Variants in NUDT13 observed in about 807,000 individuals in gnomAD.
The protein encoded by NUDT13 is NAD(P)H pyrophosphatase NUDT13, mitochondrial.
In NUDT13, 40 loss-of-function variants were observed where a neutral mutation model predicts 41.7. The observed-to-expected ratio is 0.96, with a 90% CI of 0.75 to 1.25. The LOEUF is 1.25. Among genes scored for constraint, NUDT13 ranks in the 50% most tolerant of loss-of-function variants. NUDT13 has a pLI of 0.00. For missense variants in NUDT13, 390 were observed against 416.1 expected, an observed-to-expected ratio of 0.94 and a Z score of 0.55; for synonymous variants, 145 against 155.5, an observed-to-expected ratio of 0.93 and a Z score of 0.50.
intron 3 of NUDT13, 38 bp from the exon 4 acceptor site, chr10:73,122,137 G>T: frequency 6.2e-7 from 1 of 1,600,556 alleles, no homozygotes; most frequent in Non-Finnish European, 8.5e-7. Context: ...AGAAACCCTT[G>T]TGTTTTGCTT....
At chr10:73,126,901 T>A in intron 8 of NUDT13, 74 bp downstream of exon 8, 1 of 1,284,422 alleles carries the variant, frequency 7.8e-7, no homozygotes, top group Non-Finnish European at 1.1e-6. Flanking sequence ...AAGTACTTAT[T>A]AAGCACTTGT....
intron 1 of NUDT13, among the ~76,000 whole-genome samples, chr10:73,113,852 T>C (rs1411946639): frequency 6.6e-6 from 1 of 152,208 alleles, no homozygotes; most frequent in Non-Finnish European, 1.5e-5. Flanking sequence ...TTAACTGTAA[T>C]GAATTCTTGA....
intron 2 of NUDT13, chr10:73,115,024 G>C (rs2133202897): frequency 6.6e-6 from 1 of 152,228 alleles, no homozygotes; most frequent in South Asian, 2.1e-4. Context: ...AGAGCCTCTG[G>C]ATAGCTGAAC....
chr10:73,122,177 T>C lies in NUDT13; in HGVS notation c.226T>C (p.Leu76=), dbSNP rs759300653. ...CCCTTCCCCTTTCTGTTTCTTAGAG[T>C]TGGAAAGGCTCCTGGGTAAATTTGG... is the stretch of plus-strand genomic sequence containing the variant. ...YLAPRHSLLE[L]ERLLGKFGQD... is the part of the protein sequence containing the mutation. The change falls in exon 4 of 9, where the codon TTG becomes CTG. Residue 76 remains leucine, a splice_region_variant and synonymous_variant. Transcript: ENST00000357321. 1.9e-6 allele frequency: 3 copies of C among 1,612,168 alleles called. No homozygotes were observed. Among genetic ancestry groups the C allele is most frequent in the Admixed American group, 1.7e-5 (1 of 59,414 alleles).
Position 73,131,104 on chromosome 10 carries a change from T to C in NUDT13, c.*201T>C. The stretch of plus-strand genomic sequence containing the variant: ...CAATGGGCAATCAAAAAAGCCAGTG[T>C]GAGAAGAAAACTGATGAGCTGTCAA... On this transcript the variant is annotated 3_prime_UTR_variant, in exon 9 of 9. Coordinates refer to ENST00000357321, the MANE Select transcript of NUDT13 (RefSeq NM_015901.6). The C allele has an allele frequency of 2.1e-6, 1 of 475,282 alleles. No individual in the cohort carries two copies. 29.4% of individuals were successfully genotyped at this position (475,282 alleles called of 1,614,324 possible). A position where few individuals can be genotyped will look rare whatever the true frequency, so the allele number is the denominator to read the frequency against.
intron 7 of NUDT13, among the ~76,000 whole-genome samples, chr10:73,126,423 T>G (rs186650902): frequency 1.5e-3 from 231 of 152,324 alleles, no homozygotes; most frequent in Admixed American, 3.3e-3. Context: ...AAGTGGAATT[T>G]TATGAAAGCT....
At chr10:73,112,353 C>CA (rs1055616888) in intron 1 of NUDT13, among the ~76,000 whole-genome samples, 56 of 146,736 alleles carry the variant, frequency 3.8e-4, no homozygotes, top group African/African-American at 1.1e-3. Context: ...AACTCCGTCT[C>CA]AAAAAAAAAT....
chr10:73,112,853 T>C (rs990203315), intron 1 of NUDT13, among the ~76,000 whole-genome samples: 5 of 151,900 alleles, frequency 3.3e-5, no homozygotes, highest in African/African-American at 9.7e-5. Context: ...ACTATATATA[T>C]ATATTTTTTT....
rs774831258 is a variant in NUDT13, at chr10:73,113,578, AG to A, written c.-9-776del. Reference sequence around the variant, plus strand: ...TCTCCTGCTAGAGTTCCTTGAGGGCAGGGATTTTCATCTTTTACATTTTTGT... The same window carrying A: ...TCTCCTGCTAGAGTTCCTTGAGGGCAGGATTTTCATCTTTTACATTTTTGT... On this transcript the variant is annotated intron_variant, in intron 1 of 8. Transcript: ENST00000357321. Among the ~76,000 whole-genome samples, 13 of 152,182 alleles carry A rather than the reference AG, an allele frequency of 8.5e-5. 1 individual carries two copies. The highest frequency in any genetic ancestry group is 1.5e-4 in the Non-Finnish European group (10 of 68,036).
chr10:73,114,234 T>A, intron 1 of NUDT13, 123 bp from the exon 2 acceptor site: 3 of 407,866 alleles, frequency 7.4e-6, no homozygotes, highest in Non-Finnish European at 1.3e-5. Context: ...TCCTATTGAG[T>A]TTGTCTTTCC....
At position 73,114,451 on chromosome 10, in the gene NUDT13, G is replaced by A. The variant is rs1391226362; in HGVS notation, c.83+3G>A. 1 of 1,552,720 alleles carries A rather than the reference G, an allele frequency of 6.4e-7. No homozygotes were observed. Among genetic ancestry groups the A allele is most frequent in the South Asian group, 1.2e-5 (1 of 81,312 alleles). On this transcript the variant is annotated splice_donor_region_variant and intron_variant, in intron 2 of 8. Coordinates refer to ENST00000357321, the MANE Select transcript of NUDT13 (RefSeq NM_015901.6). ...TCAACCTATGTTACTAAGACACGGT[G>A]AGTTTTAGCCAACCTGAGCTTTGAT...
chr10:73,125,020 AT>A, intron 5 of NUDT13, 97 bp from the exon 6 acceptor site: 2 of 1,404,940 alleles, frequency 1.4e-6, no homozygotes. Context: ...AGAGATTGGC[AT>A]TTTTCTGTGA....
chr10:73,110,709 G>A (rs1028749042), intron 1 of NUDT13, 142 bp downstream of exon 1: 1 of 152,104 alleles, frequency 6.6e-6, no homozygotes, highest in African/African-American at 2.4e-5. Flanking sequence ...GCAGAAACCA[G>A]GGATATAACC....
intron 2 of NUDT13, among the ~76,000 whole-genome samples, chr10:73,117,967 C>G (rs1842555712): frequency 6.6e-6 from 1 of 152,180 alleles, no homozygotes; most frequent in African/African-American, 2.4e-5. Flanking sequence ...GTGTAAGGAA[C>G]TTTTGGATCT....
intron 8 of NUDT13, among the ~76,000 whole-genome samples, chr10:73,127,765 C>T (rs1239333133): frequency 6.7e-6 from 1 of 149,006 alleles, no homozygotes; most frequent in East Asian, 2.0e-4. Flanking sequence ...GTGGTAAGAG[C>T]ACTTGATGTG....
intron 2 of NUDT13, among the ~76,000 whole-genome samples, chr10:73,117,757 G>T (rs953354990): frequency 2.0e-5 from 3 of 151,962 alleles, no homozygotes; most frequent in African/African-American, 7.2e-5. Context: ...GTGGGATTTT[G>T]ATGATTTTCT....
chr10:73,114,326 T>A, intron 1 of NUDT13, 31 bp from the exon 2 acceptor site: 1 of 1,190,128 alleles, frequency 8.4e-7, no homozygotes, highest in Non-Finnish European at 1.2e-6. Flanking sequence ...TATTATGACT[T>A]TTTTTAAAAC....
At chr10:73,113,471 T>G (rs1017126663) in intron 1 of NUDT13, among the ~76,000 whole-genome samples, 1 of 152,202 alleles carries the variant, frequency 6.6e-6, no homozygotes, top group Non-Finnish European at 1.5e-5. Flanking sequence ...GGAATAATAC[T>G]TTTAATAATC....
At chr10:73,116,379 A>G (rs1842509028) in intron 2 of NUDT13, among the ~76,000 whole-genome samples, 1 of 152,032 alleles carries the variant, frequency 6.6e-6, no homozygotes, top group Non-Finnish European at 1.5e-5. Context: ...ACAAATATAA[A>G]ACTCCTTAGG....
Sources: allele counts gnomAD v4.1 joint callset (sites outside exome capture counted in the v4.1 genomes callset), GRCh38; gene constraint gnomAD v4.1.1; transcripts MANE v1.5; gene names NCBI Gene and HGNC (gene_info 2026-07-23, HGNC 2026-07-21).